The following DIS3L2 variants were observed in gnomAD, a reference collection of about 807,000 sequenced individuals.
DIS3L2 encodes DIS3-like exonuclease 2.
In DIS3L2, 34 loss-of-function variants were observed where a neutral mutation model predicts 97.5. The ratio of observed to expected loss-of-function variants is 0.35; its 90% confidence interval spans 0.27 to 0.46. The LOEUF (loss-of-function observed/expected upper bound fraction) is 0.46. Ranked by LOEUF, DIS3L2 falls within the 20% of genes least tolerant of loss-of-function variation. The pLI is 1.00. For synonymous variants in DIS3L2, 435 were observed against 445.2 expected, an observed-to-expected ratio of 0.98 and a Z score of 0.29; for missense variants, 1,038 against 1,146.0, an observed-to-expected ratio of 0.91 and a Z score of 1.36.
intron 5 of DIS3L2, among the ~76,000 whole-genome samples, chr2:232,049,354 A>G (rs1387730446): frequency 2.0e-5 from 3 of 152,304 alleles, no homozygotes; most frequent in Non-Finnish European, 4.4e-5. Context: ...ATGTATCCCC[A>G]GAATTCATGT....
chr2:232,301,060 C>T (rs957574637), intron 14 of DIS3L2, among the ~76,000 whole-genome samples: 3 of 152,128 alleles, frequency 2.0e-5, no homozygotes, highest in Non-Finnish European at 4.4e-5. Context: ...GTAATGACAG[C>T]GGCTACCATT....
Position 232,334,101 on chromosome 2 carries a change from G to A in DIS3L2, c.2158+114G>A, listed in dbSNP as rs1306695182. 1.2e-5 allele frequency: 18 copies of A among 1,458,234 alleles called. No homozygotes were observed. In the East Asian group the frequency reaches 4.4e-4, roughly 36 times the overall value. The allele number at this position is 1,458,234 out of a possible 1,614,324, so 90.3% of individuals were successfully genotyped here. ...CTGCCGTGACAGCGGAGGTCCAAGG[G>A]TCGGGCGACCCAAGTGCAGGGGAGC... On this transcript the variant is annotated intron_variant, in intron 17 of 20. Transcript: ENST00000325385.
chr2:231,992,471 T>G (rs969069496), intron 1 of DIS3L2, among the ~76,000 whole-genome samples: 2 of 152,176 alleles, frequency 1.3e-5, no homozygotes, highest in African/African-American at 4.8e-5. Flanking sequence ...AAGTTTCTCC[T>G]TTCATAAAAA....
At chr2:232,320,545 G>T (rs1458391113) in intron 14 of DIS3L2, among the ~76,000 whole-genome samples, 1 of 152,160 alleles carries the variant, frequency 6.6e-6, no homozygotes, top group African/African-American at 2.4e-5. Flanking sequence ...TGTCCCATTA[G>T]GCCAGCAGAA....
At chr2:232,142,177 A>G (rs1322859700) in intron 8 of DIS3L2, among the ~76,000 whole-genome samples, 2 of 152,072 alleles carry the variant, frequency 1.3e-5, no homozygotes, top group South Asian at 4.2e-4. Context: ...AGGGGTATGG[A>G]CCTGGCCGGC....
Position 232,336,630 on chromosome 2 carries a change from A to T in DIS3L2, c.2658A>T (p.Ter886CysextTer23). Residue 886 changes from the stop codon to cysteine, a stop_lost, in exon 21 of 21, where the codon TGA (stop) becomes TGT (cysteine). Coordinates refer to ENST00000325385, the MANE Select transcript of DIS3L2 (RefSeq NM_152383.5). ...AGCCCGAGGACTCAAGCACCAGCTGAGCTCCACCAGCCGCCTGCCCCGCCT... is the reference window on the plus strand; with the variant it reads ...AGCCCGAGGACTCAAGCACCAGCTGTGCTCCACCAGCCGCCTGCCCCGCCT... The part of the protein sequence containing the change: ...DGEPEDSSTS[*>C] 6.3e-7 allele frequency: 1 copy of T among 1,583,282 alleles called. No homozygotes were observed. Among genetic ancestry groups the T allele is most frequent in the East Asian group, 2.3e-5 (1 of 43,328 alleles).
intron 9 of DIS3L2, among the ~76,000 whole-genome samples, chr2:232,203,364 ACT>A (rs1691948121): frequency 6.6e-6 from 1 of 152,204 alleles, no homozygotes; most frequent in South Asian, 2.1e-4. Flanking sequence ...TTTGTAAAAC[ACT>A]GTTTTATGAG....
chr2:231,962,084 G>A (rs1045876044), intron 1 of DIS3L2, among the ~76,000 whole-genome samples: 1 of 152,234 alleles, frequency 6.6e-6, no homozygotes, highest in African/African-American at 2.4e-5. Flanking sequence ...GCCTGTTGCT[G>A]TAGAGAGGAC....
intron 8 of DIS3L2, among the ~76,000 whole-genome samples, chr2:232,148,529 G>A (rs1690290605): frequency 6.6e-6 from 1 of 152,094 alleles, no homozygotes; most frequent in Non-Finnish European, 1.5e-5. Context: ...TCTGGAACTC[G>A]TAAAATAAAT....
At chr2:232,070,167 C>T (rs1695971022) in intron 5 of DIS3L2, among the ~76,000 whole-genome samples, 2 of 152,182 alleles carry the variant, frequency 1.3e-5, no homozygotes, top group African/African-American at 4.8e-5. Context: ...TCCAGTCCTT[C>T]TATCTCTGTT....
At chr2:232,165,369 A>G (rs1456818147) in intron 9 of DIS3L2, among the ~76,000 whole-genome samples, 1 of 152,228 alleles carries the variant, frequency 6.6e-6, no homozygotes, top group African/African-American at 2.4e-5. Context: ...ATATGTGTGT[A>G]TACGTATACA....
intron 16 of DIS3L2, among the ~76,000 whole-genome samples, chr2:232,333,265 C>T (rs1317716544): frequency 1.4e-5 from 2 of 147,098 alleles, no homozygotes; most frequent in African/African-American, 5.1e-5. Context: ...CCGCTGTCGC[C>T]TCCTCCTCCT....
chr2:232,099,592 A>G (rs1232650558), intron 6 of DIS3L2, among the ~76,000 whole-genome samples: 1 of 152,226 alleles, frequency 6.6e-6, no homozygotes. Flanking sequence ...CAAGATTATA[A>G]TAAATTAATG....
chr2:232,168,374 G>T (rs941340190), intron 9 of DIS3L2, among the ~76,000 whole-genome samples: 1 of 152,150 alleles, frequency 6.6e-6, no homozygotes, highest in Non-Finnish European at 1.5e-5. Context: ...GGCTGGAGAT[G>T]AATTCATATT....
chr2:232,018,811 T>G (rs1694426480), intron 3 of DIS3L2, among the ~76,000 whole-genome samples: 1 of 152,200 alleles, frequency 6.6e-6, no homozygotes, highest in African/African-American at 2.4e-5. Context: ...GAGACCACAG[T>G]TTCCTCTTTC....
chr2:232,170,627 T>C (rs749585948), intron 9 of DIS3L2, among the ~76,000 whole-genome samples: 3 of 152,234 alleles, frequency 2.0e-5, no homozygotes, highest in Non-Finnish European at 4.4e-5. Flanking sequence ...TCCCATTTAA[T>C]GTCGTCCTGC....
chr2:232,222,602 C>T (rs531056646), intron 10 of DIS3L2, among the ~76,000 whole-genome samples: 4 of 152,320 alleles, frequency 2.6e-5, no homozygotes, highest in East Asian at 1.9e-4. Context: ...TCCCTAGTAG[C>T]TGGGACTACA....
chr2:231,984,472 C>T (rs1442659599), intron 1 of DIS3L2, among the ~76,000 whole-genome samples: 7 of 150,004 alleles, frequency 4.7e-5, no homozygotes, highest in Admixed American at 2.7e-4. Flanking sequence ...CTGCAAGCTC[C>T]GCCTCCCGGG....
rs976462645 is a variant in DIS3L2, at chr2:232,293,364, G to T, written c.1660-6676G>T. Among the ~76,000 whole-genome samples the T allele has an allele frequency of 5.3e-5, 8 of 152,202 alleles. No homozygotes were observed. The highest frequency in any genetic ancestry group is 8.8e-5 in the Non-Finnish European group (6 of 68,040). On this transcript the variant is annotated intron_variant, in intron 13 of 20. Transcript: ENST00000325385. This position sits in a 1 kb window ranked among gnomAD's most constrained non-coding sequence, Gnocchi z 4.6. ...TGTGACAGTGATAAGGACACCGATT[G>T]CCCAGGAGACCTGGTGAAGCCACCC...
Sources: gnomAD v4.1 joint callset for allele counts (sites outside exome capture counted in the v4.1 genomes callset) on GRCh38, gnomAD v4.1.1 for gene constraint, Gnocchi (gnomAD v3.1) non-coding constraint, MANE v1.5 for transcripts, NCBI Gene and HGNC (gene_info 2026-07-23, HGNC 2026-07-21) for gene names.